Variants in IQCM observed in about 807,000 individuals in gnomAD.
The protein encoded by IQCM is IQ motif containing M.
IQCM carries 45 observed loss-of-function variants against 57.6 expected under a neutral mutation model. The observed-to-expected ratio is 0.78, with a 90% CI of 0.62 to 1.00. The LOEUF (loss-of-function observed/expected upper bound fraction) is 1.00, where lower values mean the gene tolerates loss of function less well. Ranked by LOEUF, IQCM falls within the 50% of genes least tolerant of loss-of-function variation. IQCM has a pLI of 0.00. For synonymous variants in IQCM, 148 were observed against 158.9 expected, an observed-to-expected ratio of 0.93 and a Z score of 0.51; for missense variants, 468 against 511.6, an observed-to-expected ratio of 0.91 and a Z score of 0.82.
chr4:149,810,215 C>T (rs572641397), intron 2 of IQCM, among the ~76,000 whole-genome samples: 3 of 151,564 alleles, frequency 2.0e-5, no homozygotes, highest in Non-Finnish European at 4.4e-5. Context: ...TGAAACCCAT[C>T]ATGGGGCACA....
rs993770153 is a variant in IQCM, at chr4:149,563,801, T to C, written c.839A>G (p.Glu280Gly). ...PHIEIFQVFR[E>G]RKKFMITPKL... ...TGGGGTAATCATGAATTTTTTTCTT[T>C]CTCGGAACACTTGGAAGATTTCTAT... Residue 280 changes from glutamate to glycine, a missense_variant, in exon 10 of 14, where the codon GAA (glutamate) becomes GGA (glycine). Transcript: ENST00000636793. The C allele has an allele frequency of 1.6e-6, 2 of 1,231,908 alleles. No individual in the cohort carries two copies. The highest frequency in any genetic ancestry group is 3.1e-5 in the African/African-American group (2 of 64,408). The allele number at this position is 1,231,908 out of a possible 1,614,324, so 76.3% of individuals were successfully genotyped here. A position where few individuals can be genotyped will look rare whatever the true frequency, so the allele number is the denominator to read the frequency against.
chr4:149,774,683 C>A (rs569527156), intron 2 of IQCM, among the ~76,000 whole-genome samples: 1 of 151,564 alleles, frequency 6.6e-6, no homozygotes, highest in Non-Finnish European at 1.5e-5. Flanking sequence ...GCTTTGGAGG[C>A]CCCCTCCCTC....
intron 12 of IQCM, among the ~76,000 whole-genome samples, chr4:149,547,740 C>T (rs1396315719): frequency 6.6e-6 from 1 of 152,094 alleles, no homozygotes; most frequent in Non-Finnish European, 1.5e-5. Flanking sequence ...TTACACAATG[C>T]ATATGTATCC....
intron 12 of IQCM, among the ~76,000 whole-genome samples, chr4:149,487,328 C>T (rs532689681): frequency 2.6e-5 from 4 of 152,246 alleles, no homozygotes; most frequent in African/African-American, 7.2e-5. Flanking sequence ...CCTCTTTACT[C>T]GTCACTTTCC....
chr4:149,542,505 T>C (rs1399054865), intron 12 of IQCM, among the ~76,000 whole-genome samples: 1 of 152,064 alleles, frequency 6.6e-6, no homozygotes, highest in Non-Finnish European at 1.5e-5. Context: ...GTTCCAGCTC[T>C]ATCAATGAGC....
intron 9 of IQCM, among the ~76,000 whole-genome samples, chr4:149,586,449 C>T (rs1012115479): frequency 3.3e-5 from 5 of 151,316 alleles, no homozygotes; most frequent in Admixed American, 2.0e-4. Flanking sequence ...TACAATTATG[C>T]CCTCTCTTTC....
intron 7 of IQCM, among the ~76,000 whole-genome samples, chr4:149,655,648 T>G (rs964071018): frequency 6.6e-6 from 1 of 152,104 alleles, no homozygotes; most frequent in Non-Finnish European, 1.5e-5. Context: ...GAAAGTTGTG[T>G]AAGAGACAGT....
intron 12 of IQCM, among the ~76,000 whole-genome samples, chr4:149,456,639 T>G (rs1737732974): frequency 6.6e-6 from 1 of 152,030 alleles, no homozygotes; most frequent in Non-Finnish European, 1.5e-5. Flanking sequence ...AGTTTTTAAT[T>G]TGGGAGCAGA....
chr4:149,449,173 C>T (rs1157971912), intron 12 of IQCM, among the ~76,000 whole-genome samples: 2 of 133,084 alleles, frequency 1.5e-5, no homozygotes, highest in Non-Finnish European at 3.2e-5. Context: ...CAACTGTTCC[C>T]CCCCAACCCG....
At chr4:149,732,513 T>C (rs1766552443) in intron 5 of IQCM, among the ~76,000 whole-genome samples, 1 of 152,182 alleles carries the variant, frequency 6.6e-6, no homozygotes, top group African/African-American at 2.4e-5. Flanking sequence ...GTGTTTATCC[T>C]CACCATTACT....
intron 8 of IQCM, among the ~76,000 whole-genome samples, chr4:149,591,190 A>C (rs1037520743): frequency 6.6e-6 from 1 of 152,030 alleles, no homozygotes; most frequent in Admixed American, 6.6e-5. Context: ...TTTACACCTG[A>C]GGCTTCTTTC....
chr4:149,450,806 C>T (rs1323130635), intron 12 of IQCM, among the ~76,000 whole-genome samples: 1 of 151,656 alleles, frequency 6.6e-6, no homozygotes, highest in East Asian at 1.9e-4. Flanking sequence ...AGTAGAAGTT[C>T]CTCAAAAAAA....
intron 12 of IQCM, among the ~76,000 whole-genome samples, chr4:149,492,085 C>A (rs571812031): frequency 1.3e-5 from 2 of 151,840 alleles, no homozygotes; most frequent in Non-Finnish European, 2.9e-5. Flanking sequence ...GATCTTCTGC[C>A]CATTTTCTTA....
intron 12 of IQCM, among the ~76,000 whole-genome samples, chr4:149,445,430 C>T (rs1194065956): frequency 6.6e-6 from 1 of 151,784 alleles, no homozygotes; most frequent in African/African-American, 2.4e-5. Flanking sequence ...ACACTTGATA[C>T]TCCAGGTATA....
At chr4:149,368,773 TATATATACATGTATATATATAC>T (rs1253332603) in intron 13 of IQCM, among the ~76,000 whole-genome samples, 2,734 of 122,694 alleles carry the variant, frequency 0.022, 399 homozygotes, top group Non-Finnish European at 0.037. Context: ...TATATATACA[TATATATACATGTATATATATAC>T]ATATATATAC....
intron 2 of IQCM, among the ~76,000 whole-genome samples, chr4:149,772,309 A>T (rs752561412): frequency 6.6e-6 from 1 of 152,206 alleles, no homozygotes; most frequent in Admixed American, 6.5e-5. Context: ...TCAATTAATA[A>T]GAAATGCTCA....
intron 2 of IQCM, among the ~76,000 whole-genome samples, chr4:149,754,021 A>C (rs1481249275): frequency 2.0e-5 from 3 of 152,072 alleles, no homozygotes; most frequent in African/African-American, 7.2e-5. Flanking sequence ...TTCTCTTCCC[A>C]TTCTCTTTTG....
chr4:149,618,355 G>A (rs2150067901), intron 8 of IQCM, among the ~76,000 whole-genome samples: 1 of 152,204 alleles, frequency 6.6e-6, no homozygotes, highest in Non-Finnish European at 1.5e-5. Context: ...GTTAACTCAA[G>A]ATGGATTAAA....
intron 12 of IQCM, among the ~76,000 whole-genome samples, chr4:149,474,943 G>C (rs995930945): frequency 1.3e-5 from 2 of 151,776 alleles, no homozygotes; most frequent in Non-Finnish European, 2.9e-5. Flanking sequence ...AATAAGAGTT[G>C]GAGTCAGAGT....
Sources: allele counts gnomAD v4.1 joint callset (sites outside exome capture counted in the v4.1 genomes callset), GRCh38; gene constraint gnomAD v4.1.1; transcripts MANE v1.5; gene names NCBI Gene and HGNC (gene_info 2026-07-23, HGNC 2026-07-21).